The following FYB1 variants were observed in gnomAD, a reference collection of about 807,000 sequenced individuals.
The protein encoded by FYB1 is FYN binding protein 1, also known as FYN-binding protein 1.
Under a neutral mutation model 94.1 loss-of-function variants are expected in FYB1, and 41 were observed. That is an observed-to-expected ratio of 0.44 (90% confidence interval 0.34 to 0.57). The LOEUF (loss-of-function observed/expected upper bound fraction) is 0.57. Among genes scored for constraint, FYB1 ranks in the 20% least tolerant of loss-of-function variants. FYB1 has a pLI of 0.02. For missense variants in FYB1, 1,050 were observed against 976.8 expected (o/e 1.07, Z -1.00); for synonymous variants, 367 against 353.2 (o/e 1.04, Z -0.44).
At chr5:39,160,991 TG>T (rs1229536803) in intron 2 of FYB1, among the ~76,000 whole-genome samples, 2 of 152,230 alleles carry the variant, frequency 1.3e-5, no homozygotes, top group African/African-American at 4.8e-5. Flanking sequence ...TTAAAAAAAC[TG>T]CCTGCCCTTT....
intron 2 of FYB1, among the ~76,000 whole-genome samples, chr5:39,164,331 T>C (rs760207845): frequency 6.6e-6 from 1 of 152,226 alleles, no homozygotes; most frequent in African/African-American, 2.4e-5. Flanking sequence ...TAAAATCCTC[T>C]ACTTTTTGAA....
At chr5:39,261,285 C>T (rs1011581407) in intron 1 of FYB1, among the ~76,000 whole-genome samples, 2 of 138,034 alleles carry the variant, frequency 1.4e-5, no homozygotes, top group Non-Finnish European at 3.1e-5. Flanking sequence ...GCACATGTAT[C>T]TCCGAACTTA....
upstream of FYB1, among the ~76,000 whole-genome samples, chr5:39,222,027 G>GTAAAATAAAA (rs953731424): frequency 2.4e-4 from 36 of 149,414 alleles, no homozygotes; most frequent in African/African-American, 8.9e-4. Context: ...ATAAAATAAA[G>GTAAAATAAAA]TAAAATAAAA....
intron 2 of FYB1, among the ~76,000 whole-genome samples, chr5:39,163,020 T>C (rs919660491): frequency 1.3e-5 from 2 of 152,222 alleles, no homozygotes; most frequent in South Asian, 4.1e-4. Context: ...CAGAGTTTCA[T>C]ATACAATACA....
chr5:39,228,057 T>C (rs1006744067), intron 1 of FYB1, among the ~76,000 whole-genome samples: 1 of 152,154 alleles, frequency 6.6e-6, no homozygotes, highest in African/African-American at 2.4e-5. Context: ...AATGATCAGA[T>C]TGGAATAAGA....
chr5:39,233,448 C>G (rs1750832337), intron 1 of FYB1, among the ~76,000 whole-genome samples: 1 of 152,136 alleles, frequency 6.6e-6, no homozygotes, highest in Non-Finnish European at 1.5e-5. Context: ...TGGTTCTCAA[C>G]TCTTTGGTTT....
At chr5:39,273,805 G>GA (rs1752727628) in intron 1 of FYB1, among the ~76,000 whole-genome samples, 1 of 152,048 alleles carries the variant, frequency 6.6e-6, no homozygotes, top group African/African-American at 2.4e-5. Flanking sequence ...GGTGGCTAGG[G>GA]AAAACCAACT....
At chr5:39,223,342 C>T (rs552434615), upstream of FYB1, among the ~76,000 whole-genome samples, 70 of 152,016 alleles carry the variant, frequency 4.6e-4, no homozygotes, top group African/African-American at 1.6e-3. Flanking sequence ...TATAGTCCTC[C>T]TTGAGATGGT....
In FYB1 at chr5:39,141,219, T is replaced by C; in HGVS notation, c.1293-78A>G. The C allele has an allele frequency of 5.2e-6, 5 of 968,638 alleles. No homozygotes were observed. In the South Asian group the frequency reaches 5.7e-5, roughly 11 times the overall value. 60.0% of individuals were successfully genotyped at this position (968,638 alleles called of 1,614,324 possible). Reference sequence around the variant, plus strand: ...TACAATGAAAAAGGGAAAAGGATTATTTCATGAATTGTTCTTTTTTCTTGA... The same window carrying C: ...TACAATGAAAAAGGGAAAAGGATTACTTCATGAATTGTTCTTTTTTCTTGA... On this transcript the variant is annotated intron_variant, in intron 3 of 18. Coordinates refer to ENST00000512982, the MANE Select transcript of FYB1 (RefSeq NM_001465.6).
At chr5:39,127,864 C>T in intron 10 of FYB1, 57 bp from the exon 11 acceptor site, 1 of 1,494,688 alleles carries the variant, frequency 6.7e-7, no homozygotes, top group South Asian at 1.3e-5. Flanking sequence ...CCATGTAATG[C>T]TCACTCAGAT....
At chr5:39,237,430 A>G (rs1389605684) in intron 1 of FYB1, among the ~76,000 whole-genome samples, 1 of 152,082 alleles carries the variant, frequency 6.6e-6, no homozygotes, top group Non-Finnish European at 1.5e-5. Flanking sequence ...AGATTGATCC[A>G]CTAAGGCCTT....
In FYB1 at chr5:39,212,322, T is replaced by TA. The variant is rs894668122; in HGVS notation, c.-28+7120dup. Among the ~76,000 whole-genome samples, 71 of 151,100 alleles carry TA rather than the reference T, an allele frequency of 4.7e-4. 1 individual carries two copies. Among genetic ancestry groups the TA allele is most frequent in the African/African-American group, 1.7e-3 (68 of 41,134 alleles). On this transcript the variant is annotated intron_variant, in intron 1 of 18. Coordinates refer to ENST00000512982, the MANE Select transcript of FYB1 (RefSeq NM_001465.6). ...GACCTTGTCTCAAAAAAATAAAAAA[T>TA]AAAAAATAAAAAAAGGCATGTGGCA...
intron 3 of FYB1, among the ~76,000 whole-genome samples, chr5:39,146,003 C>A (rs1044916978): frequency 4.6e-5 from 7 of 151,662 alleles, no homozygotes; most frequent in Admixed American, 2.6e-4. Context: ...ACTTCTGTCT[C>A]CCGGGTTCAA....
intron 2 of FYB1, among the ~76,000 whole-genome samples, chr5:39,161,235 A>G (rs1430897975): frequency 6.6e-6 from 1 of 152,224 alleles, no homozygotes; most frequent in African/African-American, 2.4e-5. Flanking sequence ...CACTGCATGT[A>G]TCACACATTT....
At position 39,240,572 on chromosome 5, in the gene FYB1, G is replaced by T. The variant is rs114505655; in HGVS notation, c.-28+33831C>A. Among the ~76,000 whole-genome samples, 289 of 152,242 alleles carry T rather than the reference G, an allele frequency of 1.9e-3. 1 individual carries two copies. Among genetic ancestry groups the T allele is most frequent in the African/African-American group, 6.7e-3 (279 of 41,512 alleles). ...CAGCCAACAAAGCATATGAAAAAAT[G>T]CTCAACAATACTAAGCATCAGAGAA... On this transcript the variant is annotated intron_variant, in intron 1 of 1. Coordinates refer to the FYB1 transcript ENST00000510188.
chr5:39,118,735 G>A (rs145669350), intron 16 of FYB1, 139 bp downstream of exon 16: 63 of 480,876 alleles, frequency 1.3e-4, no homozygotes, highest in East Asian at 1.2e-3. Flanking sequence ...ACTTCTGAAC[G>A]TTTGCCACAA....
chr5:39,272,509 A>C (rs1287763528), intron 1 of FYB1, among the ~76,000 whole-genome samples: 1 of 151,688 alleles, frequency 6.6e-6, no homozygotes, highest in Non-Finnish European at 1.5e-5. Context: ...CTAAAAAAAA[A>C]AAAATACAAA....
intron 1 of FYB1, among the ~76,000 whole-genome samples, chr5:39,216,045 C>A (rs1391492473): frequency 1.3e-5 from 2 of 152,042 alleles, no homozygotes; most frequent in African/African-American, 4.8e-5. Flanking sequence ...CCTGGAACCA[C>A]CAGAAGCTGG....
At chr5:39,261,060 G>C (rs1007233486) in intron 1 of FYB1, among the ~76,000 whole-genome samples, 24 of 151,978 alleles carry the variant, frequency 1.6e-4, no homozygotes, top group African/African-American at 5.1e-4. Context: ...GAGATTGTTA[G>C]ACAGCAATCA....
Sources: gnomAD v4.1 joint callset for allele counts (sites outside exome capture counted in the v4.1 genomes callset) on GRCh38, gnomAD v4.1.1 for gene constraint, MANE v1.5 for transcripts, NCBI Gene and HGNC (gene_info 2026-07-23, HGNC 2026-07-21) for gene names.